The following XKR9 variants were observed in gnomAD, a reference collection of about 807,000 sequenced individuals.
XKR9 encodes XK-related protein 9.
XKR9 carries 32 observed loss-of-function variants against 32.0 expected under a neutral mutation model. That is an observed-to-expected ratio of 1.00 (90% CI 0.76 to 1.34). The LOEUF is 1.34. XKR9 is among the 40% of genes most tolerant of loss of function. The pLI is 0.00. For missense variants in XKR9, 546 were observed against 429.7 expected (o/e 1.27, Z -2.39); for synonymous variants, 168 against 143.4 (o/e 1.17, Z -1.22).
chr8:70,857,279 T>A, the XKR9 span, among the ~76,000 whole-genome samples: 1 of 151,996 alleles, frequency 6.6e-6, no homozygotes, highest in Non-Finnish European at 1.5e-5. Context: ...CAATAAAAAA[T>A]GATAAAGGGG....
the XKR9 span, among the ~76,000 whole-genome samples, chr8:70,889,187 C>T: frequency 6.6e-5 from 10 of 151,252 alleles, no homozygotes; most frequent in South Asian, 1.0e-3. Flanking sequence ...ATTTATTCCT[C>T]GGTGGTTTAT....
chr8:70,716,516 C>T (rs765773060), intron 4 of XKR9, among the ~76,000 whole-genome samples: 40 of 152,000 alleles, frequency 2.6e-4, no homozygotes, highest in East Asian at 1.9e-4. Context: ...AGAATGAGAG[C>T]CGAATGAAGG....
the XKR9 span, among the ~76,000 whole-genome samples, chr8:70,940,494 C>T: frequency 6.6e-6 from 1 of 151,952 alleles, no homozygotes; most frequent in Admixed American, 6.6e-5. Flanking sequence ...ATATGCAAGA[C>T]AGGGTTAATT....
the XKR9 span, among the ~76,000 whole-genome samples, chr8:70,949,114 A>G: frequency 6.6e-6 from 1 of 152,210 alleles, no homozygotes; most frequent in African/African-American, 2.4e-5. Flanking sequence ...TAAGTAAAAA[A>G]AAATTCTGAA....
chr8:70,738,887 C>A (rs1243957893), downstream of XKR9, among the ~76,000 whole-genome samples: 1 of 152,070 alleles, frequency 6.6e-6, no homozygotes, highest in Non-Finnish European at 1.5e-5. Context: ...GCTTTACTTC[C>A]AAGTATGTGG....
At chr8:70,771,266 A>T (rs1807450144) in intron 2 of XKR9, among the ~76,000 whole-genome samples, 1 of 152,132 alleles carries the variant, frequency 6.6e-6, no homozygotes, top group Admixed American at 6.5e-5. Flanking sequence ...AGTCCCAATG[A>T]GATGAACCTG....
At chr8:70,762,604 A>G (rs950903551) in intron 2 of XKR9, among the ~76,000 whole-genome samples, 5 of 152,204 alleles carry the variant, frequency 3.3e-5, no homozygotes, top group African/African-American at 1.2e-4. Context: ...ATTTATTTAA[A>G]GTGTCATTCT....
At chr8:70,853,861 C>A in the XKR9 span, among the ~76,000 whole-genome samples, 1 of 152,122 alleles carries the variant, frequency 6.6e-6, no homozygotes, top group Non-Finnish European at 1.5e-5. Flanking sequence ...ATGAACTAAT[C>A]CTTTTTTATG....
chr8:70,784,700 G>A lies in XKR9; in HGVS notation n.353-4639G>A, dbSNP rs1311434601. Among the ~76,000 whole-genome samples, 4 of 151,724 alleles carry A rather than the reference G, an allele frequency of 2.6e-5. No homozygotes were observed. The East Asian group carries it at 7.7e-4, about 29-fold the overall frequency. On this transcript the variant is annotated intron_variant and non_coding_transcript_variant, in intron 2 of 3. Transcript: ENST00000520273. Reference sequence around the variant, plus strand: ...TGGATGCCTTTTATTTCTTTCTCTTGCTTAATTTCCCTGGCAACCACTTGC... The same window carrying A: ...TGGATGCCTTTTATTTCTTTCTCTTACTTAATTTCCCTGGCAACCACTTGC...
the XKR9 span, among the ~76,000 whole-genome samples, chr8:70,815,540 T>TATTG: frequency 8.6e-5 from 13 of 151,796 alleles, no homozygotes; most frequent in African/African-American, 3.1e-4. Flanking sequence ...TTTATTTATT[T>TATTG]ATTGAGATGG....
intron 2 of XKR9, among the ~76,000 whole-genome samples, chr8:70,743,157 T>C (rs939271444): frequency 7.2e-5 from 11 of 152,170 alleles, no homozygotes; most frequent in Non-Finnish European, 1.5e-4. Context: ...ATTTCCCGTA[T>C]CTTCAATCTA....
At chr8:71,014,080 G>A in the XKR9 span, among the ~76,000 whole-genome samples, 6 of 152,024 alleles carry the variant, frequency 3.9e-5, no homozygotes, top group East Asian at 1.9e-4. Context: ...CTGTGACTCC[G>A]GAGTTTTCAT....
chr8:70,756,516 T>C (rs1280052830), intron 2 of XKR9, among the ~76,000 whole-genome samples: 1 of 152,238 alleles, frequency 6.6e-6, no homozygotes, highest in Admixed American at 6.5e-5. Context: ...TTTTTCCATT[T>C]ATTTAGATGT....
At chr8:70,804,850 T>C in the XKR9 span, among the ~76,000 whole-genome samples, 1 of 152,228 alleles carries the variant, frequency 6.6e-6, no homozygotes, top group Non-Finnish European at 1.5e-5. Flanking sequence ...GACTTTTGGA[T>C]TGGTAAAATC....
At chr8:71,040,208 A>G in the XKR9 span, among the ~76,000 whole-genome samples, 1 of 152,122 alleles carries the variant, frequency 6.6e-6, no homozygotes, top group Non-Finnish European at 1.5e-5. Flanking sequence ...ATCCAGCTAG[A>G]TTTTCTTCAG....
chr8:70,854,236 T>G, the XKR9 span, among the ~76,000 whole-genome samples: 6 of 152,170 alleles, frequency 3.9e-5, no homozygotes, highest in Middle Eastern at 3.2e-3. Flanking sequence ...GTGTGAGATG[T>G]TATCTCATTG....
chr8:70,738,985 T>A (rs1461651863), downstream of XKR9, among the ~76,000 whole-genome samples: 1 of 152,206 alleles, frequency 6.6e-6, no homozygotes, highest in East Asian at 1.9e-4. Flanking sequence ...GTCTATTAGG[T>A]CCGCTTGGTG....
the XKR9 span, among the ~76,000 whole-genome samples, chr8:70,938,491 T>A: frequency 6.6e-6 from 1 of 151,978 alleles, no homozygotes; most frequent in African/African-American, 2.4e-5. Flanking sequence ...CTTATTCTTC[T>A]CTCATGTATG....
At chr8:70,972,879 G>A in the XKR9 span, among the ~76,000 whole-genome samples, 1 of 152,054 alleles carries the variant, frequency 6.6e-6, no homozygotes. Flanking sequence ...ATTTTGCTAA[G>A]GATTTTTGCA....
Sources: allele counts gnomAD v4.1 joint callset (sites outside exome capture counted in the v4.1 genomes callset), GRCh38; gene constraint gnomAD v4.1.1; transcripts MANE v1.5; gene names NCBI Gene and HGNC (gene_info 2026-07-23, HGNC 2026-07-21).